Variants in RNF183 observed in about 807,000 individuals in gnomAD.
RNF183 encodes the protein ring finger protein 183, also known as E3 ubiquitin-protein ligase RNF183.
RNF183 carries 4 observed loss-of-function variants against 9.0 expected under a neutral mutation model. The ratio of observed to expected loss-of-function variants is 0.44; its 90% CI spans 0.22 to 1.01. RNF183 has a LOEUF of 1.01. Among genes scored for constraint, RNF183 ranks in the 50% least tolerant of loss-of-function variants. The pLI is 0.25. For synonymous variants in RNF183, 102 were observed against 107.5 expected, an observed-to-expected ratio of 0.95 and a Z score of 0.32; for missense variants, 227 against 253.6, an observed-to-expected ratio of 0.89 and a Z score of 0.71.
chr9:113,300,438 C>CAATA (rs1446115735), intron 3 of RNF183, among the ~76,000 whole-genome samples: 1 of 152,030 alleles, frequency 6.6e-6, no homozygotes, highest in Non-Finnish European at 1.5e-5. Context: ...GAATAATGGG[C>CAATA]AATAAATAAA....
At chr9:113,299,456 T>G (rs183629657) in intron 4 of RNF183, 116 bp downstream of exon 4, 3 of 152,364 alleles carry the variant, frequency 2.0e-5, no homozygotes, top group African/African-American at 7.2e-5. Context: ...GCTCAGCACT[T>G]TGGTTGCTGT....
rs750122043 is a variant in RNF183, at chr9:113,297,583, G to T, written c.*23C>A. Reference sequence around the variant, plus strand: ...ACCCAGCAGCAACCGAAAAAGGTTTGGTTTCTTGTCTGGGAACAGCACTCA... The same window carrying T: ...ACCCAGCAGCAACCGAAAAAGGTTTTGTTTCTTGTCTGGGAACAGCACTCA... On this transcript the variant is annotated 3_prime_UTR_variant, in exon 5 of 5. Transcript: ENST00000489339. 1.6e-5 allele frequency: 24 copies of T among 1,522,206 alleles called. 1 individual carries two copies. In the South Asian group the frequency reaches 2.0e-4, roughly 13 times the overall value. The allele number at this position is 1,522,206 out of a possible 1,614,324, so 94.3% of individuals were successfully genotyped here. A position where few individuals can be genotyped will look rare whatever the true frequency, so the allele number is the denominator to read the frequency against.
intron 4 of RNF183, chr9:113,299,311 C>G (rs1237489568): frequency 6.6e-6 from 1 of 152,322 alleles, no homozygotes; most frequent in African/African-American, 2.4e-5. Context: ...AGTCCCTGGT[C>G]TGGAAAGGTA....
Position 113,297,621 on chromosome 9 carries a change from A to G in RNF183, c.564T>C (p.Leu188=). Residue 188 remains leucine (L), a synonymous_variant, in exon 5 of 5, where the codon CTT becomes CTC. Transcript: ENST00000489339. ...IFSIFWTKQF[L]WGVG ...GGAACAGCACTCACCCCACACCCCA[A>G]AGGAACTGCTTGGTCCAAAAGATGG... is the stretch of plus-strand genomic sequence containing the variant. The G allele has an allele frequency of 6.2e-7, 1 of 1,600,392 alleles. No homozygotes were observed.
chr9:113,297,095 A>AATT lies in RNF183; in HGVS notation c.*510_*511insAAT, dbSNP rs1341971511. 2 of 152,306 alleles carry AATT rather than the reference A, an allele frequency of 1.3e-5. No individual in the cohort carries two copies. The highest frequency in any genetic ancestry group is 2.4e-5 in the African/African-American group (1 of 41,438). 9.4% of individuals were successfully genotyped at this position (152,306 alleles called of 1,614,324 possible). ...CGTGGAATGAATAAGTGAATGAATT[A>AATT]ATGAATACAGAACACTTTTACTGCA... On this transcript the variant is annotated 3_prime_UTR_variant, in exon 5 of 5. Coordinates refer to ENST00000489339, the MANE Select transcript of RNF183 (RefSeq NM_001371237.1).
chr9:113,297,490 T>A lies in RNF183; in HGVS notation c.*116A>T, dbSNP rs1393962306. The A allele has an allele frequency of 8.5e-6, 6 of 704,626 alleles. No homozygotes were observed. The highest frequency in any genetic ancestry group is 1.4e-5 in the Non-Finnish European group (6 of 426,482). 43.6% of individuals were successfully genotyped at this position (704,626 alleles called of 1,614,324 possible). A position where few individuals can be genotyped will look rare whatever the true frequency, so the allele number is the denominator to read the frequency against. ...AGAAGCAAACACATGGCCTGAACAA[T>A]CCCTGGATTGTAAAATAAACAACAC... On this transcript the variant is annotated 3_prime_UTR_variant, in exon 5 of 5. Transcript: ENST00000489339.
At position 113,297,863 on chromosome 9, in the gene RNF183, A is replaced by G. The variant is rs1564271674; in HGVS notation, c.322T>C (p.Tyr108His). Residue 108 changes from tyrosine to histidine, a missense_variant, in exon 5 of 5, where the codon TAC (tyrosine) becomes CAC (histidine). By Grantham distance (83) the Tyr-to-His change is moderately conservative. Transcript: ENST00000489339. ...TAGACTTGAGGCTGGCGCAGGAAGT[A>G]GCGGCTCTTGGGCTGGTCCTTGAGG... ...LCLKDQPKSRYFLRQPQVYTL... is the reference protein window; with the variant it reads ...LCLKDQPKSRHFLRQPQVYTL... 1 of 1,607,640 alleles carries G rather than the reference A, an allele frequency of 6.2e-7. No homozygotes were observed. Among genetic ancestry groups the G allele is most frequent in the East Asian group, 2.2e-5 (1 of 44,500 alleles).
At chr9:113,299,296 C>T (rs1832843146) in intron 4 of RNF183, 1 of 152,332 alleles carries the variant, frequency 6.6e-6, no homozygotes, top group South Asian at 2.1e-4. Context: ...CCCTTCAACA[C>T]CTGGAGTCCC....
chr9:113,302,789 C>T (rs997612284), intron 1 of RNF183, among the ~76,000 whole-genome samples: 1 of 152,188 alleles, frequency 6.6e-6, no homozygotes, highest in African/African-American at 2.4e-5. Flanking sequence ...ATAGTCTATA[C>T]GGTGCCCAGT....
At chr9:113,302,084 G>GTTTTTTTTT (rs60336104) in intron 2 of RNF183, 111 bp downstream of exon 2, 1 of 140,854 alleles carries the variant, frequency 7.1e-6, no homozygotes. Context: ...AAGATTATAA[G>GTTTTTTTTT]TTTTTTTTTT....
In RNF183 at chr9:113,297,932, G is replaced by A. The variant is rs116993964; in HGVS notation, c.253C>T (p.Arg85Cys). 0.011 allele frequency: 18,227 copies of A among 1,613,766 alleles called. 142 individuals carry two copies. Among genetic ancestry groups the A allele is most frequent in the Non-Finnish European group, 0.014 (16,674 of 1,179,846 alleles). Residue 85 changes from arginine (R) to cysteine (C), a missense_variant, in exon 5 of 5, where the codon CGC becomes TGC. Transcript: ENST00000489339. ...AGGATGACATGGTGGGGCTCCAGGCGGAGCAGGGCGAGCATGGCAGTGTCC... is the reference window on the plus strand; with the variant it reads ...AGGATGACATGGTGGGGCTCCAGGCAGAGCAGGGCGAGCATGGCAGTGTCC... The part of the protein sequence containing the change: ...PTDTAMLALL[R>C]LEPHHVILEG...
chr9:113,297,632 T>C lies in RNF183; in HGVS notation c.553A>G (p.Lys185Glu). 1 of 1,607,000 alleles carries C rather than the reference T, an allele frequency of 6.2e-7. No individual in the cohort carries two copies. Residue 185 changes from lysine (K) to glutamate (E), a missense_variant, in exon 5 of 5, where the codon AAG (lysine) becomes GAG (glutamate). Coordinates refer to ENST00000489339, the MANE Select transcript of RNF183 (RefSeq NM_001371237.1). Reference sequence around the variant, plus strand: ...CACCCCACACCCCAAAGGAACTGCTTGGTCCAAAAGATGGAGAATATGAGC... The same window carrying C: ...CACCCCACACCCCAAAGGAACTGCTCGGTCCAAAAGATGGAGAATATGAGC... ...LLLIFSIFWT[K>E]QFLWGVG
intron 3 of RNF183, among the ~76,000 whole-genome samples, chr9:113,300,583 G>A (rs1832887318): frequency 6.6e-6 from 1 of 152,146 alleles, no homozygotes; most frequent in African/African-American, 2.4e-5. Flanking sequence ...AAAGTATATA[G>A]GAATCCAGCC....
At position 113,298,025 on chromosome 9, in the gene RNF183, G is replaced by A. The variant is rs1832789800; in HGVS notation, c.160C>T (p.Leu54=). 1 of 1,614,034 alleles carries A rather than the reference G, an allele frequency of 6.2e-7. No individual in the cohort carries two copies. Among genetic ancestry groups the A allele is most frequent in the Non-Finnish European group, 8.5e-7 (1 of 1,180,020 alleles). The change falls in exon 5 of 5, where the codon CTG becomes TTG. Residue 54 remains leucine (L), a synonymous_variant. Transcript: ENST00000489339. This position sits in a 1 kb window ranked among gnomAD's most constrained non-coding sequence, Gnocchi z 4.9. ...LSLVTPARRR[L]LCPLCRQPTV... ...GGCTGGCGACAGAGTGGGCACAGCAGGCGGCGCCGGGCTGGAGTCACAAGG... is the reference window on the plus strand; with the variant it reads ...GGCTGGCGACAGAGTGGGCACAGCAAGCGGCGCCGGGCTGGAGTCACAAGG...
In RNF183 at chr9:113,298,421, G is replaced by A; in HGVS notation, c.-37-200C>T. On this transcript the variant is annotated intron_variant, in intron 4 of 4. Transcript: ENST00000489339. This position sits in a 1 kb window ranked among gnomAD's most constrained non-coding sequence, Gnocchi z 4.9. ...CCTACAGCCTCCCCTCTGTCAAGGT[G>A]AAGGCCTGGGCCACCCCTACCAAGA... 1 of 555,642 alleles carries A rather than the reference G, an allele frequency of 1.8e-6. No individual in the cohort carries two copies. The highest frequency in any genetic ancestry group is 3.2e-6 in the Non-Finnish European group (1 of 312,966). 34.4% of individuals were successfully genotyped at this position (555,642 alleles called of 1,614,324 possible).
intron 3 of RNF183, 128 bp from the exon 4 acceptor site, chr9:113,299,903 G>A (rs187927038): frequency 6.6e-6 from 1 of 152,336 alleles, no homozygotes; most frequent in Admixed American, 6.5e-5. Context: ...CATGTCTTCA[G>A]ACTCATGGTT....
At position 113,298,312 on chromosome 9, in the gene RNF183, G is replaced by T; in HGVS notation, c.-37-91C>A. On this transcript the variant is annotated intron_variant, in intron 4 of 4. Transcript: ENST00000489339. This position sits in a 1 kb window ranked among gnomAD's most constrained non-coding sequence, Gnocchi z 4.9. ...CAAAGTGTTCTGTGGGTGTTGAAAG[G>T]TGTAATCACCACGTTTTACTTAGGT... 2 of 757,396 alleles carry T rather than the reference G, an allele frequency of 2.6e-6. No homozygotes were observed. Among genetic ancestry groups the T allele is most frequent in the Non-Finnish European group, 4.4e-6 (2 of 452,010 alleles). The allele number at this position is 757,396 out of a possible 1,614,324, so 46.9% of individuals were successfully genotyped here.
intron 3 of RNF183, among the ~76,000 whole-genome samples, chr9:113,301,365 T>C (rs192104628): frequency 6.6e-6 from 1 of 152,352 alleles, no homozygotes; most frequent in East Asian, 1.9e-4. Context: ...ATACAGCTTA[T>C]TATGTTCTGA....
In RNF183 at chr9:113,300,080, G is replaced by A. The variant is rs148659896; in HGVS notation, c.-241-305C>T. Among the ~76,000 whole-genome samples, 17 of 152,318 alleles carry A rather than the reference G, an allele frequency of 1.1e-4. No homozygotes were observed. The South Asian group carries it at 1.9e-3, about 17-fold the overall frequency. On this transcript the variant is annotated intron_variant, in intron 3 of 4. Coordinates refer to ENST00000489339, the MANE Select transcript of RNF183 (RefSeq NM_001371237.1). ...GATCTGGGGGAAGGGAGTCTCCCTA[G>A]AGCCCCTGATATGACATCATCTACC...
Sources: gnomAD v4.1 joint callset for allele counts (sites outside exome capture counted in the v4.1 genomes callset) on GRCh38, gnomAD v4.1.1 for gene constraint, Gnocchi (gnomAD v3.1) non-coding constraint, MANE v1.5 for transcripts, NCBI Gene and HGNC (gene_info 2026-07-23, HGNC 2026-07-21) for gene names.